Variants in HIP1 observed in about 807,000 individuals in gnomAD.
The protein encoded by HIP1 is huntingtin-interacting protein 1.
Under a neutral mutation model 147.6 loss-of-function variants are expected in HIP1, and 65 were observed. That is an observed-to-expected ratio of 0.44 (90% CI 0.36 to 0.54). The LOEUF is 0.54. Among genes scored for constraint, HIP1 ranks in the 20% least tolerant of loss-of-function variants. The probability of loss-of-function intolerance (pLI) is 0.00; values close to 1 mark genes in which losing one functional copy is unlikely to be tolerated. For missense variants in HIP1, 1,061 were observed against 1,299.6 expected (o/e 0.82, Z 2.82); for synonymous variants, 479 against 504.0 (o/e 0.95, Z 0.67).
intron 2 of HIP1, among the ~76,000 whole-genome samples, chr7:75,598,609 A>T (rs1796849728): frequency 6.6e-6 from 1 of 151,970 alleles, no homozygotes; most frequent in South Asian, 2.1e-4. Context: ...AGTGACTATG[A>T]GGTTCTACAA....
At chr7:75,734,281 T>A (rs1255235960) in intron 1 of HIP1, among the ~76,000 whole-genome samples, 3 of 117,284 alleles carry the variant, frequency 2.6e-5, no homozygotes, top group Non-Finnish European at 5.4e-5. Flanking sequence ...AATAAATAAA[T>A]AAATAAATTT....
chr7:75,577,773 G>T (rs1188377918), intron 7 of HIP1, among the ~76,000 whole-genome samples: 1 of 152,170 alleles, frequency 6.6e-6, no homozygotes, highest in Non-Finnish European at 1.5e-5. Context: ...GCCAAGGCAG[G>T]CCGATCACTT....
chr7:75,715,138 C>T (rs1405460697), intron 1 of HIP1, among the ~76,000 whole-genome samples: 1 of 152,120 alleles, frequency 6.6e-6, no homozygotes, highest in Non-Finnish European at 1.5e-5. Flanking sequence ...ACCTGTAATC[C>T]CAGCACATTG....
chr7:75,687,647 C>G (rs1395990038), intron 1 of HIP1, among the ~76,000 whole-genome samples: 1 of 152,144 alleles, frequency 6.6e-6, no homozygotes, highest in Non-Finnish European at 1.5e-5. Context: ...GCCGAGATGG[C>G]GCCATTGCAC....
intron 1 of HIP1, among the ~76,000 whole-genome samples, chr7:75,689,433 G>C (rs1389702895): frequency 6.6e-6 from 1 of 152,010 alleles, no homozygotes; most frequent in African/African-American, 2.4e-5. Flanking sequence ...GAAACTGGGA[G>C]GGGGAGGTTG....
At chr7:75,663,057 G>C (rs999261848) in intron 1 of HIP1, among the ~76,000 whole-genome samples, 2 of 152,150 alleles carry the variant, frequency 1.3e-5, no homozygotes, top group Non-Finnish European at 2.9e-5. Flanking sequence ...GCATGCCTGT[G>C]AGTTTCAGAT....
At chr7:75,595,179 G>A (rs193005954) in intron 2 of HIP1, among the ~76,000 whole-genome samples, 5 of 149,560 alleles carry the variant, frequency 3.3e-5, no homozygotes, top group Admixed American at 2.0e-4. Flanking sequence ...AGCTTTTGGT[G>A]TAGGAGTCCT....
chr7:75,547,094 G>T, intron 24 of HIP1, 62 bp from the exon 25 acceptor site: 2 of 1,350,114 alleles, frequency 1.5e-6, no homozygotes, highest in Non-Finnish European at 2.1e-6. Flanking sequence ...GAACACGACG[G>T]TTCTCTTCCC....
chr7:75,567,200 C>A (rs376245489), intron 9 of HIP1, among the ~76,000 whole-genome samples: 13 of 146,498 alleles, frequency 8.9e-5, no homozygotes, highest in African/African-American at 3.4e-4. Flanking sequence ...ACCTAAAGTA[C>A]AGTTTGAGAT....
At chr7:75,649,110 C>T (rs1376597459) in intron 1 of HIP1, among the ~76,000 whole-genome samples, 2 of 152,062 alleles carry the variant, frequency 1.3e-5, no homozygotes, top group African/African-American at 2.4e-5. Context: ...CCGCAAACTC[C>T]GCCTCCCGGG....
intron 4 of HIP1, among the ~76,000 whole-genome samples, chr7:75,590,347 T>G (rs1293285733): frequency 6.6e-6 from 1 of 152,140 alleles, no homozygotes; most frequent in Non-Finnish European, 1.5e-5. Context: ...AGCAAGCATT[T>G]TGTAATTATT....
rs1475978842 is a variant in HIP1, at chr7:75,559,839, C to T, written c.1268G>A (p.Arg423Gln). 7.4e-6 allele frequency: 12 copies of T among 1,612,782 alleles called. No homozygotes were observed. The highest frequency in any genetic ancestry group is 1.7e-5 in the Admixed American group (1 of 59,992). ...EADLAEQQHL[R>Q]QQAADDCEFL... is the part of the protein sequence containing the mutation. Reference sequence around the variant, plus strand: ...TTCACAGTCGTCGGCCGCCTGCTGCCGCAGGTGCTGCTGCTCGGCCAGATC... The same window carrying T: ...TTCACAGTCGTCGGCCGCCTGCTGCTGCAGGTGCTGCTGCTCGGCCAGATC... The change falls in exon 14 of 31, where the codon CGG (arginine) becomes CAG (glutamine). Residue 423 changes from arginine (R) to glutamine (Q), a missense_variant. By Grantham distance (43) the Arg-to-Gln change is conservative. Around this residue, in one of 3 missense-constraint regions of HIP1, gnomAD observed 810 missense variants for 946.8 expected, o/e 0.86. Coordinates refer to ENST00000336926, the MANE Select transcript of HIP1 (RefSeq NM_005338.7).
intron 14 of HIP1, 99 bp downstream of exon 14, chr7:75,559,633 T>A: frequency 1.0e-6 from 1 of 962,174 alleles, no homozygotes; most frequent in Non-Finnish European, 1.5e-6. Context: ...ACAGTCTGGG[T>A]CTCCCCCACC....
chr7:75,652,050 T>C (rs1799011078), intron 1 of HIP1, among the ~76,000 whole-genome samples: 1 of 149,668 alleles, frequency 6.7e-6, no homozygotes. Flanking sequence ...GTATGGTGGC[T>C]CACACCTGGA....
intron 1 of HIP1, among the ~76,000 whole-genome samples, chr7:75,615,096 C>T (rs1457467886): frequency 6.6e-6 from 1 of 152,004 alleles, no homozygotes; most frequent in Admixed American, 6.6e-5. Flanking sequence ...TACTGAATAC[C>T]TACTACACGC....
At chr7:75,705,911 A>G (rs1800976491) in intron 1 of HIP1, among the ~76,000 whole-genome samples, 1 of 151,782 alleles carries the variant, frequency 6.6e-6, no homozygotes, top group Non-Finnish European at 1.5e-5. Context: ...TATTTTTTTG[A>G]GACGGAATCT....
At chr7:75,595,566 A>C (rs1211464396) in intron 2 of HIP1, among the ~76,000 whole-genome samples, 1 of 151,442 alleles carries the variant, frequency 6.6e-6, no homozygotes, top group African/African-American at 2.4e-5. Flanking sequence ...CTGGTCTCGA[A>C]CTCCTGGCCT....
At chr7:75,546,434 G>A (rs587634119) in intron 25 of HIP1, among the ~76,000 whole-genome samples, 2 of 152,290 alleles carry the variant, frequency 1.3e-5, no homozygotes, top group South Asian at 4.1e-4. Flanking sequence ...CTCCCGAGCT[G>A]CGGCGGCATA....
At chr7:75,723,935 C>A (rs1801572658) in intron 1 of HIP1, among the ~76,000 whole-genome samples, 1 of 142,518 alleles carries the variant, frequency 7.0e-6, no homozygotes, top group Non-Finnish European at 1.5e-5. Flanking sequence ...TTATTATTAT[C>A]ATTTATATAT....
Sources: allele counts gnomAD v4.1 joint callset (sites outside exome capture counted in the v4.1 genomes callset), GRCh38; gene constraint gnomAD v4.1.1; regional missense constraint gnomAD v4.1.1; transcripts MANE v1.5; gene names NCBI Gene and HGNC (gene_info 2026-07-23, HGNC 2026-07-21).